Variants in VWA3A observed in about 807,000 individuals in gnomAD.
The protein encoded by VWA3A is von Willebrand factor A domain-containing protein 3A.
In VWA3A, 134 loss-of-function variants were observed where a neutral mutation model predicts 160.4. The observed-to-expected ratio is 0.84, with a 90% confidence interval of 0.73 to 0.96. The LOEUF (loss-of-function observed/expected upper bound fraction) is 0.96, where lower values mean the gene tolerates loss of function less well. Among genes scored for constraint, VWA3A ranks in the 40% least tolerant of loss-of-function variants. The probability of loss-of-function intolerance (pLI) is 0.00; values close to 1 mark genes in which losing one functional copy is unlikely to be tolerated. For synonymous variants in VWA3A, 476 were observed against 543.4 expected (o/e 0.88, Z 1.72); for missense variants, 1,310 against 1,447.9 (o/e 0.90, Z 1.55).
Position 22,109,585 on chromosome 16 carries a change from G to A in VWA3A, c.582+5G>A, listed in dbSNP as rs956540260. The A allele has an allele frequency of 6.2e-7, 1 of 1,612,782 alleles. No individual in the cohort carries two copies. Among genetic ancestry groups the A allele is most frequent in the Non-Finnish European group, 8.5e-7 (1 of 1,179,456 alleles). ...GAGTTCCAAAAGGACCTCATGGTAA[G>A]TCTGTCTGGCACAGAGAAACACCTG... On this transcript the variant is annotated splice_donor_5th_base_variant and intron_variant, in intron 7 of 33. Transcript: ENST00000389398.
intron 3 of VWA3A, among the ~76,000 whole-genome samples, chr16:22,099,788 C>G (rs1054460374): frequency 2.6e-5 from 4 of 152,086 alleles, no homozygotes; most frequent in African/African-American, 7.2e-5. Flanking sequence ...ACGGACAAAC[C>G]AGGGGGCTGG....
At chr16:22,121,708 C>A in intron 14 of VWA3A, 91 bp downstream of exon 14, 1 of 1,034,676 alleles carries the variant, frequency 9.7e-7, no homozygotes, top group Non-Finnish European at 1.5e-6. Flanking sequence ...CAGTAAGAAT[C>A]ACCAGGGATT....
chr16:22,121,412 C>G, intron 13 of VWA3A, 102 bp from the exon 14 acceptor site: 1 of 997,658 alleles, frequency 1.0e-6, no homozygotes, highest in South Asian at 1.4e-5. Context: ...CCACTGCACT[C>G]TAGCCTGGGT....
At chr16:22,138,849 G>T (rs952464762) in intron 22 of VWA3A, among the ~76,000 whole-genome samples, 3 of 152,034 alleles carry the variant, frequency 2.0e-5, no homozygotes, top group Non-Finnish European at 2.9e-5. Context: ...GGGGGCAAAG[G>T]AATTATGGTC....
At chr16:22,149,764 C>A (rs1338100963) in intron 28 of VWA3A, 23 bp from the exon 29 acceptor site, 24 of 1,579,340 alleles carry the variant, frequency 1.5e-5, no homozygotes, top group Non-Finnish European at 1.9e-5. Context: ...CTGCCCCTCA[C>A]CTCCTCTTTT....
chr16:22,111,044 C>T (rs1197175589), intron 8 of VWA3A, 50 bp downstream of exon 8: 2 of 1,480,222 alleles, frequency 1.4e-6, no homozygotes, highest in Non-Finnish European at 1.8e-6. Context: ...CATTTTCCTC[C>T]CTAACCAGCA....
At chr16:22,116,709 T>C (rs1372768313) in intron 9 of VWA3A, 50 bp from the exon 10 acceptor site, 1 of 1,444,098 alleles carries the variant, frequency 6.9e-7, no homozygotes, top group Non-Finnish European at 9.7e-7. Context: ...TGGAATGTTC[T>C]CAAAGTGGTC....
chr16:22,130,770 A>AT (rs545397311), intron 17 of VWA3A, among the ~76,000 whole-genome samples: 2 of 151,926 alleles, frequency 1.3e-5, no homozygotes, highest in South Asian at 2.1e-4. Context: ...TACCCAGCTA[A>AT]TTTTTTTTAT....
intron 5 of VWA3A, among the ~76,000 whole-genome samples, chr16:22,102,860 G>A (rs1217974977): frequency 6.6e-6 from 1 of 152,150 alleles, no homozygotes; most frequent in Non-Finnish European, 1.5e-5. Flanking sequence ...CACAGAGTGA[G>A]TGAGCTATGT....
intron 7 of VWA3A, 75 bp from the exon 8 acceptor site, chr16:22,110,813 C>G: frequency 7.1e-6 from 10 of 1,412,272 alleles, no homozygotes; most frequent in Non-Finnish European, 8.7e-6. Context: ...GAGGGGCCAG[C>G]AAAGGCCAGA....
rs986706000 is a variant in VWA3A, at chr16:22,135,033, C to T, written c.2139+595C>T. 7.2e-5 allele frequency among the ~76,000 whole-genome samples: 11 copies of T among 152,224 alleles called. No homozygotes were observed. In the South Asian group the frequency reaches 1.5e-3, roughly 20 times the overall value. The stretch of plus-strand genomic sequence containing the variant: ...GAGTTTGAGACCAGCCTCAGCAACA[C>T]GGTGAAACCCTATCTCTGTTAAAGA... On this transcript the variant is annotated intron_variant, in intron 21 of 33. Coordinates refer to ENST00000389398, the MANE Select transcript of VWA3A (RefSeq NM_173615.5).
chr16:22,126,408 C>T, intron 17 of VWA3A, 111 bp downstream of exon 17: 1 of 1,430,974 alleles, frequency 7.0e-7, no homozygotes. Flanking sequence ...GTCATGGTCA[C>T]CCGGCTTCCT....
At chr16:22,134,175 C>T (rs2046000894) in intron 20 of VWA3A, among the ~76,000 whole-genome samples, 193 bp from the exon 21 acceptor site, 1 of 151,888 alleles carries the variant, frequency 6.6e-6, no homozygotes, top group Non-Finnish European at 1.5e-5. Context: ...ACTATATTGC[C>T]CAGGCTGGTG....
intron 5 of VWA3A, 122 bp downstream of exon 5, chr16:22,100,615 A>G: frequency 1.1e-6 from 1 of 892,958 alleles, no homozygotes; most frequent in Non-Finnish European, 1.8e-6. Flanking sequence ...CAGGTGGATC[A>G]CTTGAGGTCA....
chr16:22,111,451 T>G lies in VWA3A; in HGVS notation c.689+457T>G, dbSNP rs370462367. Reference sequence around the variant, plus strand: ...CCTCCCACCTCAGCCTCCTGAGTAGTTGGGGCTACAGGCATGTGCCACCAC... The same window carrying G: ...CCTCCCACCTCAGCCTCCTGAGTAGGTGGGGCTACAGGCATGTGCCACCAC... On this transcript the variant is annotated intron_variant, in intron 8 of 33. Transcript: ENST00000389398. Among the ~76,000 whole-genome samples, 74 of 152,186 alleles carry G rather than the reference T, an allele frequency of 4.9e-4. 1 individual carries two copies. In the East Asian group the frequency reaches 0.013, roughly 27 times the overall value.
At chr16:22,125,810 G>T (rs941434811) in intron 16 of VWA3A, among the ~76,000 whole-genome samples, 9 of 152,194 alleles carry the variant, frequency 5.9e-5, no homozygotes, top group African/African-American at 2.2e-4. Context: ...GAGAGGATTT[G>T]TGACTTGCCT....
intron 26 of VWA3A, among the ~76,000 whole-genome samples, chr16:22,144,599 G>A (rs1288718550): frequency 6.6e-6 from 1 of 152,058 alleles, no homozygotes; most frequent in Non-Finnish European, 1.5e-5. Context: ...AGGGTTAGAT[G>A]AGCTCATTGG....
At position 22,096,916 on chromosome 16, in the gene VWA3A, T is replaced by C. The variant is rs772451368; in HGVS notation, c.72T>C (p.Gly24=). ...CACAAACTAGTCATGTCTTCCATGGTCAAGAAAATATGTTTCTGGAAAACC... is the reference window on the plus strand; with the variant it reads ...CACAAACTAGTCATGTCTTCCATGGCCAAGAAAATATGTTTCTGGAAAACC... ...MATQTSHVFH[G]QENMFLENHC... The change falls in exon 2 of 34, where the codon GGT becomes GGC. Residue 24 remains glycine, a synonymous_variant. Transcript: ENST00000389398. 7.8e-6 allele frequency: 12 copies of C among 1,548,232 alleles called. No homozygotes were observed. The highest frequency in any genetic ancestry group is 1.2e-5 in the South Asian group (1 of 83,900).
intron 17 of VWA3A, among the ~76,000 whole-genome samples, chr16:22,127,353 TA>T (rs2045868513): frequency 6.6e-6 from 1 of 152,062 alleles, no homozygotes; most frequent in Non-Finnish European, 1.5e-5. Context: ...CTTGAACTCC[TA>T]ACCTCAAGTA....
Sources: allele counts gnomAD v4.1 joint callset (sites outside exome capture counted in the v4.1 genomes callset), GRCh38; gene constraint gnomAD v4.1.1; transcripts MANE v1.5; gene names NCBI Gene and HGNC (gene_info 2026-07-23, HGNC 2026-07-21).